The following PASD1 variants were observed in gnomAD, a reference collection of about 807,000 sequenced individuals.
PASD1 encodes PAS domain containing repressor 1.
In PASD1, 13 loss-of-function variants were observed where a neutral mutation model predicts 58.8. The observed-to-expected ratio is 0.22, with a 90% CI of 0.14 to 0.35. The LOEUF (loss-of-function observed/expected upper bound fraction) is 0.35. Ranked by LOEUF, PASD1 falls within the 10% of genes least tolerant of loss-of-function variation. The pLI is 1.00. For missense variants in PASD1, 734 were observed against 568.3 expected (o/e 1.29, Z -2.96); for synonymous variants, 236 against 216.7 (o/e 1.09, Z -0.78).
chrX:151,572,035 A>G (rs144515563), intron 1 of PASD1, among the ~76,000 whole-genome samples: 1,418 of 111,013 alleles, frequency 0.013, 11 homozygotes, highest in Middle Eastern at 0.046. Context: ...AGTAGTGCCC[A>G]GCTACCTCAC....
Position 151,625,619 on chromosome X carries a change from AT to A in PASD1, c.629+97del, listed in dbSNP as rs753062879. 4,147 of 704,356 alleles carry A rather than the reference AT, an allele frequency of 5.9e-3. 139 individuals carry two copies. The East Asian group carries it at 0.11, about 19-fold the overall frequency. The allele number at this position is 704,356 out of a possible 1,213,427, so 58.0% of individuals were successfully genotyped here. On this transcript the variant is annotated intron_variant, in intron 8 of 15. Transcript: ENST00000370357. The stretch of plus-strand genomic sequence containing the variant: ...AACAAGAGAAATAACACCTACAGAT[AT>A]TTTTTTTCCCATCAAAATGAAAATG...
intron 11 of PASD1, 36 bp downstream of exon 11, chrX:151,664,384 T>C (rs1415875842): frequency 5.8e-6 from 7 of 1,202,075 alleles, no homozygotes. Flanking sequence ...GCTTCACGTT[T>C]GTCTGGATAG....
chrX:151,568,857 C>T (rs2012886191), intron 1 of PASD1, among the ~76,000 whole-genome samples: 1 of 111,348 alleles, frequency 9.0e-6, no homozygotes, highest in South Asian at 3.9e-4. Flanking sequence ...TTTCGGTGAA[C>T]TTCTCCATCC....
intron 1 of PASD1, among the ~76,000 whole-genome samples, chrX:151,598,762 TGGG>T (rs1485233861): frequency 8.9e-6 from 1 of 111,989 alleles, no homozygotes; most frequent in Non-Finnish European, 1.9e-5. Context: ...TTGAAGTTCT[TGGG>T]GGATTCATAC....
intron 5 of PASD1, 90 bp from the exon 6 acceptor site, chrX:151,621,392 G>A (rs41311672): frequency 0.08 from 54,717 of 682,545 alleles, 2,682 homozygotes; most frequent in African/African-American, 0.31. Context: ...AAATCTAATC[G>A]AAGAAAGACA....
At chrX:151,669,712 A>G (rs766332046) in intron 11 of PASD1, among the ~76,000 whole-genome samples, 9 of 112,028 alleles carry the variant, frequency 8.0e-5, no homozygotes, top group African/African-American at 2.9e-4. Context: ...ATGTTGCTGC[A>G]GGTGATGTGA....
At chrX:151,579,481 G>T (rs1163999466) in intron 1 of PASD1, among the ~76,000 whole-genome samples, 1 of 112,165 alleles carries the variant, frequency 8.9e-6, no homozygotes, top group African/African-American at 3.2e-5. Flanking sequence ...TTCAGCTTTT[G>T]TAAGGAGCAA....
In PASD1 at chrX:151,671,687, C is replaced by A. The variant is rs1430034119; in HGVS notation, c.1345C>A (p.Pro449Thr). 8.3e-7 allele frequency: 1 copy of A among 1,210,265 alleles called. No individual in the cohort carries two copies. The highest frequency in any genetic ancestry group is 2.2e-5 in the Admixed American group (1 of 46,091). The part of the protein sequence containing the change: ...AGQVKRPLPH[P>T]KDVKCFCGLS... ...GCAAGTGAAGCGGCCTCTCCCACAT[C>A]CCAAGGACGTCAAGTGTTTCTGTGG... The change falls in exon 13 of 16, where the codon CCC (proline) becomes ACC (threonine). Residue 449 changes from proline to threonine, a missense_variant. Transcript: ENST00000370357.
chrX:151,620,525 G>A (rs1248774567), intron 4 of PASD1, among the ~76,000 whole-genome samples: 2 of 110,847 alleles, frequency 1.8e-5, no homozygotes, highest in Admixed American at 1.9e-4. Flanking sequence ...AGGAAAAAGA[G>A]TAGGGGAGCA....
chrX:151,623,475 T>C (rs183878038), intron 7 of PASD1, among the ~76,000 whole-genome samples: 1 of 111,665 alleles, frequency 9.0e-6, no homozygotes, highest in African/African-American at 3.3e-5. Flanking sequence ...CTCTTTGTGT[T>C]CTCTAATATA....
At chrX:151,586,007 G>A (rs896728933) in intron 1 of PASD1, among the ~76,000 whole-genome samples, 5 of 111,640 alleles carry the variant, frequency 4.5e-5, no homozygotes, top group African/African-American at 1.6e-4. Context: ...GGAGGAAAGG[G>A]TTGTGGGAAG....
At chrX:151,620,908 T>G in intron 4 of PASD1, 22 bp from the exon 5 acceptor site, 5 of 1,149,611 alleles carry the variant, frequency 4.3e-6, no homozygotes, top group Non-Finnish European at 5.9e-6. Context: ...TCCCTCCACC[T>G]CCTCCTCTCC....
intron 1 of PASD1, among the ~76,000 whole-genome samples, chrX:151,571,456 A>G (rs1276264436): frequency 2.7e-5 from 3 of 111,118 alleles, no homozygotes; most frequent in Non-Finnish European, 3.8e-5. Flanking sequence ...ATCTAATAGA[A>G]TATTTCCAAG....
chrX:151,572,258 A>C (rs927570494), intron 1 of PASD1, among the ~76,000 whole-genome samples: 3 of 110,964 alleles, frequency 2.7e-5, no homozygotes, highest in South Asian at 3.8e-4. Context: ...ATTTACAAAA[A>C]CCCCCCACAA....
chrX:151,597,248 C>T (rs1162865397), intron 1 of PASD1, among the ~76,000 whole-genome samples: 1 of 112,085 alleles, frequency 8.9e-6, no homozygotes, highest in Non-Finnish European at 1.9e-5. Flanking sequence ...TATCAGTTCT[C>T]TAAATGTTTA....
chrX:151,619,283 G>A (rs1041372387), intron 4 of PASD1, among the ~76,000 whole-genome samples: 1 of 111,745 alleles, frequency 8.9e-6, no homozygotes, highest in Non-Finnish European at 1.9e-5. Flanking sequence ...TGGGAAGACC[G>A]AGGGAGGAAC....
At chrX:151,564,146 C>T (rs1337055251) in intron 1 of PASD1, among the ~76,000 whole-genome samples, 1 of 112,964 alleles carries the variant, frequency 8.9e-6, no homozygotes, top group African/African-American at 3.2e-5. Context: ...TTGGACATTT[C>T]GAGAAATTGA....
chrX:151,644,669 G>A (rs909568666), intron 8 of PASD1, among the ~76,000 whole-genome samples: 1 of 111,150 alleles, frequency 9.0e-6, no homozygotes, highest in Non-Finnish European at 1.9e-5. Context: ...TGGCTAATGA[G>A]GGCATTTGAA....
rs868865366 is a variant in PASD1 at position 151,625,502 on chromosome X, G to A, written c.601G>A (p.Asp201Asn). 6 of 1,207,413 alleles carry A rather than the reference G, an allele frequency of 5.0e-6. No individual in the cohort carries two copies. The highest frequency in any genetic ancestry group is 6.7e-6 in the Non-Finnish European group (6 of 892,116). The change falls in exon 8 of 16, where the codon GAT becomes AAT. Residue 201 changes from aspartate to asparagine, a missense_variant. Physicochemically the swap from Asp to Asn is conservative, Grantham distance 23. Transcript: ENST00000370357. ...TGAAGCTGTACTTACACAAGATTCAGATGAGGAACCTTTTGTGGGAGAGCT... is the reference window on the plus strand; with the variant it reads ...TGAAGCTGTACTTACACAAGATTCAAATGAGGAACCTTTTGTGGGAGAGCT... ...SDEAVLTQDSDEEPFVGELSS... is the reference protein window; with the variant it reads ...SDEAVLTQDSNEEPFVGELSS...
Sources: allele counts gnomAD v4.1 joint callset (sites outside exome capture counted in the v4.1 genomes callset), GRCh38; gene constraint gnomAD v4.1.1; transcripts MANE v1.5; gene names NCBI Gene and HGNC (gene_info 2026-07-23, HGNC 2026-07-21).